FPGT: variants seen among roughly 807,000 people sequenced by gnomAD.
FPGT encodes the protein fucose-1-phosphate guanylyltransferase.
A neutral mutation model predicts 45.8 loss-of-function variants in FPGT; 41 were observed. That is an observed-to-expected ratio of 0.90 (90% confidence interval 0.70 to 1.16). FPGT has a LOEUF of 1.16. Among genes scored for constraint, FPGT ranks in the 50% most tolerant of loss-of-function variants. FPGT has a pLI of 0.00. For synonymous variants in FPGT, 292 were observed against 247.2 expected, an observed-to-expected ratio of 1.18 and a Z score of -1.70; for missense variants, 755 against 689.1, an observed-to-expected ratio of 1.10 and a Z score of -1.07.
chr1:74,204,441 A>C lies in FPGT; in HGVS notation c.394A>C (p.Thr132Pro). Residue 132 changes from threonine to proline, a missense_variant, in exon 4 of 4, where the codon ACT (threonine) becomes CCT (proline). Coordinates refer to ENST00000370898, the MANE Select transcript of FPGT (RefSeq NM_003838.5). ...TGCAAGTGCTCTGGGAAAAATTTTCACTGCTTTACCTCTTGGTAACCCCAT... is the reference window on the plus strand; with the variant it reads ...TGCAAGTGCTCTGGGAAAAATTTTCCCTGCTTTACCTCTTGGTAACCCCAT... ...PNASALGKIF[T>P]ALPLGNPIYQ... 6.3e-7 allele frequency: 1 copy of C among 1,597,692 alleles called. No homozygotes were observed. The highest frequency in any genetic ancestry group is 8.5e-7 in the Non-Finnish European group (1 of 1,171,406).
intron 2 of FPGT, 78 bp from the exon 3 acceptor site, chr1:74,201,240 C>T: frequency 1.7e-6 from 2 of 1,178,456 alleles, no homozygotes; most frequent in Non-Finnish European, 1.2e-6. Context: ...GGTTATATAA[C>T]ACCTAAATTT....
chr1:74,205,909 T>G lies in FPGT; in HGVS notation c.*77T>G. ...AGGTATTTTTTGTAGGCTGTTTCAC[T>G]GAACTCAGTTAATGAAAACTGTATT... On this transcript the variant is annotated 3_prime_UTR_variant, in exon 4 of 4. Coordinates refer to ENST00000370898, the MANE Select transcript of FPGT (RefSeq NM_003838.5). 3 of 778,744 alleles carry G rather than the reference T, an allele frequency of 3.9e-6. No homozygotes were observed. The South Asian group carries it at 5.4e-5, about 14-fold the overall frequency. 48.2% of individuals were successfully genotyped at this position (778,744 alleles called of 1,614,324 possible). A position where few individuals can be genotyped will look rare whatever the true frequency, so the allele number is the denominator to read the frequency against.
In FPGT at chr1:74,206,199, T is replaced by A. The variant is rs1294399169; in HGVS notation, c.*367T>A. 1 of 166,242 alleles carries A rather than the reference T, an allele frequency of 6.0e-6. No individual in the cohort carries two copies. The highest frequency in any genetic ancestry group is 6.3e-5 in the Admixed American group (1 of 15,958). 10.3% of individuals were successfully genotyped at this position (166,242 alleles called of 1,614,324 possible). A position where few individuals can be genotyped will look rare whatever the true frequency, so the allele number is the denominator to read the frequency against. ...AGTTCTAAGTATTCACTGGCACTTCTCTCCTCAACTGTAATTCTATTTTTA... is the reference window on the plus strand; with the variant it reads ...AGTTCTAAGTATTCACTGGCACTTCACTCCTCAACTGTAATTCTATTTTTA... On this transcript the variant is annotated 3_prime_UTR_variant, in exon 4 of 4. Transcript: ENST00000370898.
chr1:74,204,575 A>G lies in FPGT; in HGVS notation c.528A>G (p.Gly176=). The G allele has an allele frequency of 6.2e-7, 1 of 1,611,880 alleles. No individual in the cohort carries two copies. Among genetic ancestry groups the G allele is most frequent in the Non-Finnish European group, 8.5e-7 (1 of 1,178,092 alleles). The stretch of plus-strand genomic sequence containing the variant: ...ATGATATTGAACTTTATAGTATTGG[A>G]GAATTTGAGTTTATTAGGTTTGACA... ...CADDIELYSI[G]EFEFIRFDKP... is the part of the protein sequence containing the mutation. Residue 176 remains glycine, a synonymous_variant, in exon 4 of 4, where the codon GGA becomes GGG. Transcript: ENST00000370898.
In FPGT at chr1:74,205,209, A is replaced by G. The variant is rs766910212; in HGVS notation, c.1162A>G (p.Ile388Val). Reference sequence around the variant, plus strand: ...CGGCTTACAGTCCATAACTTTTAGTATCTTTCCAGATATACCAGAATGCTC... The same window carrying G: ...CGGCTTACAGTCCATAACTTTTAGTGTCTTTCCAGATATACCAGAATGCTC... ...ELGLQSITFS[I>V]FPDIPECSGK... Residue 388 changes from isoleucine to valine, a missense_variant, in exon 4 of 4, where the codon ATC becomes GTC. Coordinates refer to ENST00000370898, the MANE Select transcript of FPGT (RefSeq NM_003838.5). The G allele has an allele frequency of 1.2e-6, 2 of 1,613,994 alleles. No homozygotes were observed. Among genetic ancestry groups the G allele is most frequent in the Non-Finnish European group, 1.7e-6 (2 of 1,179,970 alleles).
In FPGT at chr1:74,205,683, A is replaced by C. The variant is rs1221313825; in HGVS notation, c.1636A>C (p.Asn546His). The change falls in exon 4 of 4, where the codon AAT (asparagine) becomes CAT (histidine). Residue 546 changes from asparagine (N) to histidine (H), a missense_variant. Asn to His is a moderately conservative substitution (Grantham distance 68, BLOSUM62 1). Coordinates refer to ENST00000370898, the MANE Select transcript of FPGT (RefSeq NM_003838.5). ...AGTTATAACATCCCTAAAGATGTTA[A>C]ATGCTGTTAAGAACAAGTCAGCATT... ...DSVITSLKML[N>H]AVKNKSAFSL... 1 of 1,611,892 alleles carries C rather than the reference A, an allele frequency of 6.2e-7. No individual in the cohort carries two copies. Among genetic ancestry groups the C allele is most frequent in the Non-Finnish European group, 8.5e-7 (1 of 1,178,016 alleles).
In FPGT at chr1:74,204,820, T is replaced by C. The variant is rs1652126847; in HGVS notation, c.773T>C (p.Ile258Thr). ...CAACAGGACTTTGCTGGGGGTGACA[T>C]TGCCGATCTTAAATTAGACTCTGAC... ...FCQQDFAGGD[I>T]ADLKLDSDYV... Residue 258 changes from isoleucine (I) to threonine (T), a missense_variant, in exon 4 of 4, where the codon ATT (isoleucine) becomes ACT (threonine). Coordinates refer to ENST00000370898, the MANE Select transcript of FPGT (RefSeq NM_003838.5). The C allele has an allele frequency of 6.2e-7, 1 of 1,613,782 alleles. No individual in the cohort carries two copies. Among genetic ancestry groups the C allele is most frequent in the East Asian group, 2.2e-5 (1 of 44,880 alleles).
In FPGT at chr1:74,206,274, G is replaced by A. The variant is rs1652279602; in HGVS notation, c.*442G>A. The A allele has an allele frequency of 6.6e-6, 1 of 152,460 alleles. No homozygotes were observed. Among genetic ancestry groups the A allele is most frequent in the South Asian group, 2.1e-4 (1 of 4,838 alleles). The allele number at this position is 152,460 out of a possible 1,614,324, so 9.4% of individuals were successfully genotyped here. A position where few individuals can be genotyped will look rare whatever the true frequency, so the allele number is the denominator to read the frequency against. Reference sequence around the variant, plus strand: ...GTCTTCAGAGTAGTGTAGGAATACTGTAGAAATACTTTTTCAGAAACGAAT... The same window carrying A: ...GTCTTCAGAGTAGTGTAGGAATACTATAGAAATACTTTTTCAGAAACGAAT... On this transcript the variant is annotated 3_prime_UTR_variant, in exon 4 of 4. Coordinates refer to ENST00000370898, the MANE Select transcript of FPGT (RefSeq NM_003838.5).
Position 74,204,599 on chromosome 1 carries a change from C to G in FPGT, c.552C>G (p.Asp184Glu). 6.2e-7 allele frequency: 1 copy of G among 1,613,492 alleles called. No individual in the cohort carries two copies. The highest frequency in any genetic ancestry group is 8.5e-7 in the Non-Finnish European group (1 of 1,179,500). The stretch of plus-strand genomic sequence containing the variant: ...GAGAATTTGAGTTTATTAGGTTTGA[C>G]AAACCTGGCTTTACTGCTTTAGCTC... ...SIGEFEFIRFDKPGFTALAHP... is the reference protein window; with the variant it reads ...SIGEFEFIRFEKPGFTALAHP... The change falls in exon 4 of 4, where the codon GAC becomes GAG. Residue 184 changes from aspartate (D) to glutamate (E), a missense_variant. Coordinates refer to ENST00000370898, the MANE Select transcript of FPGT (RefSeq NM_003838.5).
intron 3 of FPGT, among the ~76,000 whole-genome samples, chr1:74,202,655 T>C (rs920639367): frequency 6.6e-6 from 1 of 152,210 alleles, no homozygotes; most frequent in South Asian, 2.1e-4. Context: ...ACAGGTATTA[T>C]TGATCTTCAG....
At chr1:74,199,574 CTTCT>C (rs1479655939) in intron 1 of FPGT, 86 bp from the exon 2 acceptor site, 1 of 1,399,628 alleles carries the variant, frequency 7.1e-7, no homozygotes, top group Non-Finnish European at 9.7e-7. Flanking sequence ...TGGATATTAC[CTTCT>C]TTATCATCTT....
rs1309771449 is a variant in FPGT, at chr1:74,204,841, CTGACTA to C, written c.797_802del (p.Asp266_Tyr267del). ...GACATTGCCGATCTTAAATTAGACT[CTGACTA>C]TGTCTACACAGATAGCCTATTTTAT... On this transcript the variant is annotated inframe_deletion, in exon 4 of 4. Coordinates refer to ENST00000370898, the MANE Select transcript of FPGT (RefSeq NM_003838.5). The C allele has an allele frequency of 6.2e-7, 1 of 1,613,496 alleles. No individual in the cohort carries two copies. The highest frequency in any genetic ancestry group is 2.2e-5 in the East Asian group (1 of 44,876).
At chr1:74,203,496 A>G (rs1570315970) in intron 3 of FPGT, among the ~76,000 whole-genome samples, 1 of 150,568 alleles carries the variant, frequency 6.6e-6, no homozygotes, top group Admixed American at 6.6e-5. Flanking sequence ...GGTTCACGCC[A>G]TTTTCCTGCC....
intron 3 of FPGT, among the ~76,000 whole-genome samples, chr1:74,202,205 C>T (rs1395785384): frequency 6.6e-6 from 1 of 152,058 alleles, no homozygotes; most frequent in Non-Finnish European, 1.5e-5. Context: ...ACATGAAAAC[C>T]TTTGTTGTTT....
At chr1:74,201,236 A>G (rs779657128) in intron 2 of FPGT, 82 bp from the exon 3 acceptor site, 42 of 1,148,188 alleles carry the variant, frequency 3.7e-5, no homozygotes, top group Middle Eastern at 2.0e-4. Flanking sequence ...TTAAGGTTAT[A>G]TAACACCTAA....
chr1:74,198,433 T>C, intron 1 of FPGT, 73 bp downstream of exon 1: 3 of 1,580,008 alleles, frequency 1.9e-6, no homozygotes, highest in Non-Finnish European at 2.6e-6. Flanking sequence ...GGAGGTTTGC[T>C]GGACTGTCAC....
intron 3 of FPGT, among the ~76,000 whole-genome samples, chr1:74,202,235 C>G (rs1651864448): frequency 6.6e-6 from 1 of 152,222 alleles, no homozygotes; most frequent in South Asian, 2.1e-4. Context: ...TGTTAAGGGG[C>G]TAATGAAAAC....
At chr1:74,199,569 A>T in intron 1 of FPGT, 95 bp from the exon 2 acceptor site, 3 of 1,354,916 alleles carry the variant, frequency 2.2e-6, no homozygotes, top group Non-Finnish European at 3.0e-6. Context: ...GATAATGGAT[A>T]TTACCTTCTT....
chr1:74,204,060 G>A (rs907593824), intron 3 of FPGT, among the ~76,000 whole-genome samples: 3 of 150,406 alleles, frequency 2.0e-5, no homozygotes, highest in Non-Finnish European at 4.4e-5. Context: ...AAAAACAAAT[G>A]TAGATGCAAC....
Sources: allele counts gnomAD v4.1 joint callset (sites outside exome capture counted in the v4.1 genomes callset), GRCh38; gene constraint gnomAD v4.1.1; transcripts MANE v1.5; gene names NCBI Gene and HGNC (gene_info 2026-07-23, HGNC 2026-07-21).